The following CXCL12 variants were observed in gnomAD, a reference collection of about 807,000 sequenced individuals.
CXCL12 encodes the protein C-X-C motif chemokine ligand 12.
In CXCL12, 4 loss-of-function variants were observed where a neutral mutation model predicts 10.7. That is an observed-to-expected ratio of 0.37 (90% CI 0.18 to 0.86). The LOEUF is 0.86. Ranked by LOEUF, CXCL12 falls within the 40% of genes least tolerant of loss-of-function variation. The pLI, the probability that CXCL12 is intolerant of heterozygous loss-of-function variation, is 0.43. For missense variants in CXCL12, 122 were observed against 110.4 expected (o/e 1.10, Z -0.47); for synonymous variants, 54 against 45.4 (o/e 1.19, Z -0.77).
intron 1 of CXCL12, among the ~76,000 whole-genome samples, chr10:44,383,053 C>T (rs1839679662): frequency 6.6e-6 from 1 of 152,164 alleles, no homozygotes; most frequent in African/African-American, 2.4e-5. Flanking sequence ...TCCAAGCAGG[C>T]TTGGGAAGGG....
At chr10:44,382,110 T>G (rs1267378931) in intron 1 of CXCL12, among the ~76,000 whole-genome samples, 1 of 152,176 alleles carries the variant, frequency 6.6e-6, no homozygotes, top group African/African-American at 2.4e-5. Context: ...GTCCCCCCAC[T>G]TCCTTGTCCC....
At chr10:44,379,382 A>G (rs1200936885) in intron 2 of CXCL12, among the ~76,000 whole-genome samples, 1 of 152,082 alleles carries the variant, frequency 6.6e-6, no homozygotes, top group Non-Finnish European at 1.5e-5. Flanking sequence ...AAAAGTTCAC[A>G]CTCTTAAAAG....
In CXCL12 at chr10:44,377,771, C is replaced by T; in HGVS notation, c.*862G>A. 1 of 1,598,316 alleles carries T rather than the reference C, an allele frequency of 6.3e-7. No homozygotes were observed. The highest frequency in any genetic ancestry group is 1.1e-5 in the South Asian group (1 of 91,028). The stretch of plus-strand genomic sequence containing the variant: ...CCATTACACATCCCCAGGAGAGGGC[C>T]AGCTCCATTCTGGAGGAGGCCAAAG... On this transcript the variant is annotated 3_prime_UTR_variant, in exon 3 of 3. Coordinates refer to ENST00000343575, the MANE Select transcript of CXCL12 (RefSeq NM_199168.4).
rs185425231 is a variant in CXCL12 at position 44,378,358 on chromosome 10, T to C, written c.*275A>G. The C allele has an allele frequency of 1.1e-4, 171 of 1,513,394 alleles. No homozygotes were observed. In the African/African-American group the frequency reaches 2.1e-3, roughly 19 times the overall value. The allele number at this position is 1,513,394 out of a possible 1,614,324, so 93.7% of individuals were successfully genotyped here. A position where few individuals can be genotyped will look rare whatever the true frequency, so the allele number is the denominator to read the frequency against. ...TGAAAATGCTGTTGATAATACAATT[T>C]CTTTCTTAGAAAAACCCCAGTAATA... On this transcript the variant is annotated 3_prime_UTR_variant, in exon 3 of 3. Coordinates refer to ENST00000343575, the MANE Select transcript of CXCL12 (RefSeq NM_199168.4).
chr10:44,378,544 C>CT lies in CXCL12; in HGVS notation c.*88_*89insA, dbSNP rs1564461416. On this transcript the variant is annotated 3_prime_UTR_variant, in exon 3 of 3. Coordinates refer to ENST00000343575, the MANE Select transcript of CXCL12 (RefSeq NM_199168.4). ...CACCTGGTCCTCATGGTTAAGGCCC[C>CT]CTCCCCCACGTCTTTGCCCTTTCAT... 1.6e-4 allele frequency: 256 copies of CT among 1,596,706 alleles called. No homozygotes were observed. The highest frequency in any genetic ancestry group is 2.1e-4 in the Non-Finnish European group (248 of 1,170,184).
intron 1 of CXCL12, among the ~76,000 whole-genome samples, chr10:44,383,692 T>C (rs542487403): frequency 6.8e-6 from 1 of 147,346 alleles, no homozygotes; most frequent in African/African-American, 2.5e-5. Flanking sequence ...CTTCAGTCTG[T>C]GTCCTTAACA....
exon 4 of CXCL12, chr10:44,370,760 C>G (rs266093): frequency 0.6 from 90,830 of 152,156 alleles, 28,009 homozygotes; most frequent in East Asian, 0.82. Context: ...CCAAGCGGAA[C>G]CTTTTTTCTC....
Position 44,378,313 on chromosome 10 carries a change from T to A in CXCL12, c.*320A>T, listed in dbSNP as rs1564461216. The A allele has an allele frequency of 8.8e-6, 13 of 1,478,698 alleles. No individual in the cohort carries two copies. The highest frequency in any genetic ancestry group is 1.2e-5 in the Non-Finnish European group (13 of 1,104,220). 91.6% of individuals were successfully genotyped at this position (1,478,698 alleles called of 1,614,324 possible). On this transcript the variant is annotated 3_prime_UTR_variant, in exon 3 of 3. Coordinates refer to ENST00000343575, the MANE Select transcript of CXCL12 (RefSeq NM_199168.4). Reference sequence around the variant, plus strand: ...ATGAGAATGATGATGATTGTGATGATCATGAAGGAACTAACTGCTTGAAAA... The same window carrying A: ...ATGAGAATGATGATGATTGTGATGAACATGAAGGAACTAACTGCTTGAAAA...
intron 2 of CXCL12, among the ~76,000 whole-genome samples, chr10:44,379,641 T>A (rs1839567010): frequency 6.6e-6 from 1 of 152,196 alleles, no homozygotes; most frequent in Admixed American, 6.5e-5. Context: ...CTGGGGCCTA[T>A]TCTTTGTTAA....
downstream of CXCL12, chr10:44,375,736 A>G (rs779569318): frequency 4.4e-4 from 451 of 1,030,772 alleles, no homozygotes; most frequent in Non-Finnish European, 5.8e-4. Flanking sequence ...TACTTTCTTC[A>G]TAACTTAGCA....
downstream of CXCL12, chr10:44,373,347 T>C (rs754793432): frequency 1.2e-6 from 2 of 1,607,100 alleles, no homozygotes; most frequent in African/African-American, 2.7e-5. Context: ...GAACCTCCTG[T>C]TGACAAGAAC....
downstream of CXCL12, among the ~76,000 whole-genome samples, chr10:44,373,674 C>T (rs755194267): frequency 5.9e-5 from 9 of 152,194 alleles, no homozygotes; most frequent in Admixed American, 2.0e-4. Context: ...TACCCGGCAC[C>T]GGCGTGGGGC....
chr10:44,374,690 T>A (rs1260288832), downstream of CXCL12: 1 of 455,914 alleles, frequency 2.2e-6, no homozygotes, highest in Non-Finnish European at 4.4e-6. Context: ...ACAGGGTGTG[T>A]CTGACATGCA....
chr10:44,384,413 C>T (rs1564465050), intron 1 of CXCL12, among the ~76,000 whole-genome samples: 1 of 152,200 alleles, frequency 6.6e-6, no homozygotes, highest in Non-Finnish European at 1.5e-5. Context: ...GGGAGAGGAT[C>T]GGCTTCGCAG....
chr10:44,371,048 C>T (rs1314291437), downstream of CXCL12: 4 of 207,804 alleles, frequency 1.9e-5, no homozygotes, highest in East Asian at 1.7e-4. Flanking sequence ...GTAAACAGCT[C>T]GTGGACGCAC....
rs1344736150 is a variant in CXCL12, at chr10:44,385,062, G to A, written c.-57C>T. 11 of 1,283,636 alleles carry A rather than the reference G, an allele frequency of 8.6e-6. No individual in the cohort carries two copies. The Admixed American group carries it at 1.1e-4, about 13-fold the overall frequency. 79.5% of individuals were successfully genotyped at this position (1,283,636 alleles called of 1,614,324 possible). On this transcript the variant is annotated 5_prime_UTR_variant, in exon 1 of 3. Coordinates refer to ENST00000343575, the MANE Select transcript of CXCL12 (RefSeq NM_199168.4). ...GCGCGGGTCGGGGGCCGGACGCCGAGCGGGCAATGCGGCTGACGGAGAGTG... is the reference window on the plus strand; with the variant it reads ...GCGCGGGTCGGGGGCCGGACGCCGAACGGGCAATGCGGCTGACGGAGAGTG...
rs1564460454 is a variant in CXCL12 at position 44,377,439 on chromosome 10, C to CA, written c.*1193dup. On this transcript the variant is annotated 3_prime_UTR_variant, in exon 3 of 3. Coordinates refer to ENST00000343575, the MANE Select transcript of CXCL12 (RefSeq NM_199168.4). Reference sequence around the variant, plus strand: ...AAAATATATATAAAAAAATGCCTTGCAAAAAGTTACAAATACCACCAGGAC... The same window carrying CA: ...AAAATATATATAAAAAAATGCCTTGCAAAAAAGTTACAAATACCACCAGGAC... 1 of 1,137,304 alleles carries CA rather than the reference C, an allele frequency of 8.8e-7. No homozygotes were observed. Among genetic ancestry groups the CA allele is most frequent in the Admixed American group, 4.6e-5 (1 of 21,690 alleles). The allele number at this position is 1,137,304 out of a possible 1,614,324, so 70.5% of individuals were successfully genotyped here. A position where few individuals can be genotyped will look rare whatever the true frequency, so the allele number is the denominator to read the frequency against.
downstream of CXCL12, chr10:44,376,157 C>T (rs1839444060): frequency 2.0e-6 from 2 of 984,082 alleles, no homozygotes; most frequent in Non-Finnish European, 3.0e-6. Flanking sequence ...GGCCTGGAGG[C>T]CCCTGGTCAA....
chr10:44,381,128 GA>G (rs772736840), intron 1 of CXCL12, among the ~76,000 whole-genome samples: 1 of 152,226 alleles, frequency 6.6e-6, no homozygotes, highest in Non-Finnish European at 1.5e-5. Context: ...GAGCCTAGAT[GA>G]GGCGGGAGTT....
Sources: gnomAD v4.1 joint callset for allele counts (sites outside exome capture counted in the v4.1 genomes callset) on GRCh38, gnomAD v4.1.1 for gene constraint, MANE v1.5 for transcripts, NCBI Gene and HGNC (gene_info 2026-07-23, HGNC 2026-07-21) for gene names.